RAPGEF2: variants seen among roughly 807,000 people sequenced by gnomAD.
The protein encoded by RAPGEF2 is Rap guanine nucleotide exchange factor 2.
A neutral mutation model predicts 186.7 loss-of-function variants in RAPGEF2; 54 were observed. That is an observed-to-expected ratio of 0.29 (90% CI 0.23 to 0.36). The LOEUF (loss-of-function observed/expected upper bound fraction) is 0.36. RAPGEF2 is among the 10% of genes least tolerant of loss of function. The pLI is 1.00. For synonymous variants in RAPGEF2, 712 were observed against 705.9 expected, an observed-to-expected ratio of 1.01 and a Z score of -0.14; for missense variants, 1,532 against 2,045.0, an observed-to-expected ratio of 0.75 and a Z score of 4.84.
Position 159,223,639 on chromosome 4 carries a change from G to T in RAPGEF2, c.281+13056G>T, listed in dbSNP as rs368886430. Among the ~76,000 whole-genome samples the T allele has an allele frequency of 1.3e-5, 2 of 152,098 alleles. 1 individual carries two copies. Among genetic ancestry groups the T allele is most frequent in the African/African-American group, 4.8e-5 (2 of 41,408 alleles). On this transcript the variant is annotated intron_variant, in intron 4 of 29. Coordinates refer to ENST00000691494, the MANE Select transcript of RAPGEF2 (RefSeq NM_001394067.2). The stretch of plus-strand genomic sequence containing the variant: ...AAGTTAAGAAATTCCATTTCATTAG[G>T]CTAAATCAGATACATTTTAGGATGA...
intron 7 of RAPGEF2, among the ~76,000 whole-genome samples, chr4:159,281,659 G>A (rs1238910550): frequency 8.0e-6 from 1 of 125,538 alleles, no homozygotes. Flanking sequence ...CAACAAGAGT[G>A]CAACTTGATT....
intron 11 of RAPGEF2, among the ~76,000 whole-genome samples, chr4:159,324,792 T>C (rs186571614): frequency 2.6e-5 from 4 of 152,292 alleles, no homozygotes; most frequent in Admixed American, 2.6e-4. Context: ...TGAAACTAGA[T>C]TGATTTAACT....
At chr4:159,302,116 A>G (rs1762742874) in intron 7 of RAPGEF2, among the ~76,000 whole-genome samples, 1 of 152,162 alleles carries the variant, frequency 6.6e-6, no homozygotes, top group South Asian at 2.1e-4. Flanking sequence ...TAATTCTGAT[A>G]TTTGGCTGTA....
chr4:159,279,617 G>A (rs914713156), intron 7 of RAPGEF2, among the ~76,000 whole-genome samples: 8 of 152,064 alleles, frequency 5.3e-5, no homozygotes, highest in Admixed American at 2.0e-4. Flanking sequence ...AGAATTGCAA[G>A]AATACAATTT....
At chr4:159,165,095 C>G (rs1264453787) in intron 1 of RAPGEF2, among the ~76,000 whole-genome samples, 1 of 151,774 alleles carries the variant, frequency 6.6e-6, no homozygotes, top group Non-Finnish European at 1.5e-5. Context: ...GGGAAAAGGT[C>G]TGTAGGATAA....
At chr4:159,113,158 G>A (rs1308983604) in intron 1 of RAPGEF2, among the ~76,000 whole-genome samples, 1 of 152,128 alleles carries the variant, frequency 6.6e-6, no homozygotes, top group African/African-American at 2.4e-5. Flanking sequence ...CTAAGGACAT[G>A]TGATAACCAA....
At position 159,277,532 on chromosome 4, in the gene RAPGEF2, A is replaced by G. The variant is rs553120115; in HGVS notation, c.544-26810A>G. On this transcript the variant is annotated intron_variant, in intron 7 of 29. Coordinates refer to ENST00000691494, the MANE Select transcript of RAPGEF2 (RefSeq NM_001394067.2). ...TTCCACAATGGTTGAACTAGTTTAC[A>G]GTCCCACCAACAGTGTAAAAGTGTT... Among the ~76,000 whole-genome samples, 1,513 of 152,352 alleles carry G rather than the reference A, an allele frequency of 9.9e-3. 21 individuals carry two copies. The highest frequency in any genetic ancestry group is 0.034 in the African/African-American group (1,412 of 41,582).
In RAPGEF2 at chr4:159,342,982, C is replaced by T. The variant is rs751400806; in HGVS notation, c.2922C>T (p.Gly974=). ...NFNSMFAIIS[G]LNLAPVARLR... The stretch of plus-strand genomic sequence containing the variant: ...ATGTTTCTTTTTCTCCTCTCAGTGG[C>T]CTAAACCTGGCACCAGTGGCAAGAC... The change falls in exon 21 of 30, where the codon GGC becomes GGT. Residue 974 remains glycine (G), a synonymous_variant. Coordinates refer to ENST00000691494, the MANE Select transcript of RAPGEF2 (RefSeq NM_001394067.2). The T allele has an allele frequency of 1.9e-6, 3 of 1,613,714 alleles. No homozygotes were observed. Among genetic ancestry groups the T allele is most frequent in the Non-Finnish European group, 2.5e-6 (3 of 1,179,778 alleles).
chr4:159,293,041 A>G (rs1761442040), intron 7 of RAPGEF2, among the ~76,000 whole-genome samples: 1 of 152,296 alleles, frequency 6.6e-6, no homozygotes, highest in East Asian at 1.9e-4. Context: ...CACAAAGACA[A>G]ATATGAAGTA....
At chr4:159,215,786 G>T (rs1380151826) in intron 4 of RAPGEF2, among the ~76,000 whole-genome samples, 2 of 152,086 alleles carry the variant, frequency 1.3e-5, no homozygotes, top group Non-Finnish European at 2.9e-5. Flanking sequence ...AAGGTTGAAG[G>T]GAAATTAATC....
intron 1 of RAPGEF2, among the ~76,000 whole-genome samples, chr4:159,108,488 A>G (rs1487849776): frequency 1.3e-5 from 2 of 150,686 alleles, no homozygotes; most frequent in Non-Finnish European, 2.9e-5. Flanking sequence ...TCTTATCACT[A>G]TCATTTAATC....
chr4:159,135,066 A>T (rs1234627419), intron 1 of RAPGEF2, among the ~76,000 whole-genome samples: 1 of 152,094 alleles, frequency 6.6e-6, no homozygotes. Flanking sequence ...TTTTTGAGAC[A>T]GGAGTCTCAC....
rs1737518048 is a variant in RAPGEF2 at position 159,104,223 on chromosome 4, A to C, written c.61A>C (p.Thr21Pro). 5 of 1,003,712 alleles carry C rather than the reference A, an allele frequency of 5.0e-6. No individual in the cohort carries two copies. Among genetic ancestry groups the C allele is most frequent in the Admixed American group, 6.5e-5 (2 of 30,632 alleles). 62.2% of individuals were successfully genotyped at this position (1,003,712 alleles called of 1,614,324 possible). Residue 21 changes from threonine (T) to proline (P), a missense_variant, in exon 1 of 30, where the codon ACC becomes CCC. By Grantham distance (38) the Thr-to-Pro change is conservative. Coordinates refer to ENST00000691494, the MANE Select transcript of RAPGEF2 (RefSeq NM_001394067.2). The part of the protein sequence containing the change: ...QAVMKNPPER[T>P]PQDLEIVYSY... The stretch of plus-strand genomic sequence containing the variant: ...GGTGATGAAGAATCCCCCCGAAAGG[A>C]CCCCCCAGGTGAGAACGCGGCGGCC...
At chr4:159,149,472 T>C (rs2111186840) in intron 1 of RAPGEF2, among the ~76,000 whole-genome samples, 1 of 152,258 alleles carries the variant, frequency 6.6e-6, no homozygotes, top group East Asian at 1.9e-4. Context: ...TTGGCCAGGC[T>C]GGTCTTGAAC....
At chr4:159,301,515 T>A (rs1300718323) in intron 7 of RAPGEF2, among the ~76,000 whole-genome samples, 1 of 152,216 alleles carries the variant, frequency 6.6e-6, no homozygotes, top group Non-Finnish European at 1.5e-5. Context: ...ATGCATTTAC[T>A]TTAATATATC....
chr4:159,116,149 C>CA (rs1474565751), intron 1 of RAPGEF2, among the ~76,000 whole-genome samples: 1 of 152,096 alleles, frequency 6.6e-6, no homozygotes, highest in Non-Finnish European at 1.5e-5. Flanking sequence ...AGTGAGCAGA[C>CA]AACCTATAGA....
intron 1 of RAPGEF2, among the ~76,000 whole-genome samples, chr4:159,178,551 C>CCT (rs1554005429): frequency 9.3e-5 from 7 of 75,468 alleles, no homozygotes; most frequent in African/African-American, 4.1e-4. Flanking sequence ...ATGTATTATG[C>CCT]TTTTTTTTTT....
chr4:159,239,052 C>T (rs1269855058), intron 5 of RAPGEF2, among the ~76,000 whole-genome samples, 168 bp downstream of exon 5: 1 of 151,748 alleles, frequency 6.6e-6, no homozygotes. Context: ...AATTTGAGTT[C>T]ATAATCATAT....
intron 1 of RAPGEF2, among the ~76,000 whole-genome samples, chr4:159,172,222 A>G (rs998693378): frequency 3.9e-5 from 6 of 152,204 alleles, no homozygotes; most frequent in Non-Finnish European, 8.8e-5. Flanking sequence ...AAAATATTTT[A>G]TAGCTTCCTT....
Sources: allele counts gnomAD v4.1 joint callset (sites outside exome capture counted in the v4.1 genomes callset), GRCh38; gene constraint gnomAD v4.1.1; transcripts MANE v1.5; gene names NCBI Gene and HGNC (gene_info 2026-07-23, HGNC 2026-07-21).